The following MCTP1 variants were observed in gnomAD, a reference collection of about 807,000 sequenced individuals.
MCTP1 encodes the protein multiple C2 and transmembrane domain containing 1, also known as multiple C2 and transmembrane domain-containing protein 1.
A neutral mutation model predicts 120.6 loss-of-function variants in MCTP1; 69 were observed. The observed-to-expected ratio is 0.57, with a 90% CI of 0.47 to 0.70. MCTP1 has a LOEUF of 0.70. Ranked by LOEUF, MCTP1 falls within the 30% of genes least tolerant of loss-of-function variation. The pLI is 0.00. For missense variants in MCTP1, 1,203 were observed against 1,248.8 expected (o/e 0.96, Z 0.55); for synonymous variants, 529 against 493.1 (o/e 1.07, Z -0.96).
At chr5:95,078,172 T>C (rs1255210807) in intron 1 of MCTP1, among the ~76,000 whole-genome samples, 1 of 152,210 alleles carries the variant, frequency 6.6e-6, no homozygotes, top group African/African-American at 2.4e-5. Context: ...GACCTAGTTG[T>C]ATAACAGACC....
intron 2 of MCTP1, among the ~76,000 whole-genome samples, chr5:94,998,427 G>A (rs1415715147): frequency 6.6e-6 from 1 of 152,170 alleles, no homozygotes; most frequent in Admixed American, 6.6e-5. Context: ...AGTGCCATAA[G>A]GTTTTCTTCC....
At chr5:95,133,648 C>T (rs1053854707) in intron 1 of MCTP1, among the ~76,000 whole-genome samples, 1 of 152,152 alleles carries the variant, frequency 6.6e-6, no homozygotes, top group South Asian at 2.1e-4. Flanking sequence ...GAGCAAGATT[C>T]CATCTCAAAA....
chr5:95,051,897 G>A (rs1245005442), intron 1 of MCTP1, among the ~76,000 whole-genome samples: 1 of 152,040 alleles, frequency 6.6e-6, no homozygotes, highest in African/African-American at 2.4e-5. Context: ...GTGGAGGGTG[G>A]AGGAAGGAAA....
At chr5:94,919,821 T>G (rs1252653951) in intron 7 of MCTP1, among the ~76,000 whole-genome samples, 2 of 152,216 alleles carry the variant, frequency 1.3e-5, no homozygotes, top group African/African-American at 2.4e-5. Context: ...ACAAGTGCAT[T>G]TGTTCTGCCA....
chr5:94,706,694 C>T lies in MCTP1; in HGVS notation c.*802G>A, dbSNP rs1224342479. The T allele has an allele frequency of 6.6e-6, 1 of 151,304 alleles. No individual in the cohort carries two copies. The highest frequency in any genetic ancestry group is 1.5e-5 in the Non-Finnish European group (1 of 67,744). 9.4% of individuals were successfully genotyped at this position (151,304 alleles called of 1,614,324 possible). ...TTTCCTAGTATTTTTGATAACTGTA[C>T]TTACTGGGTTGCTAATTTGCTAACT... is the stretch of plus-strand genomic sequence containing the variant. On this transcript the variant is annotated 3_prime_UTR_variant, in exon 23 of 23. Transcript: ENST00000515393.
At chr5:94,719,893 G>T (rs1760462083) in intron 19 of MCTP1, among the ~76,000 whole-genome samples, 3 of 152,152 alleles carry the variant, frequency 2.0e-5, no homozygotes, top group Non-Finnish European at 4.4e-5. Flanking sequence ...ACTTTGGGAG[G>T]CCGAGACAGG....
chr5:94,967,252 G>T (rs769059177), intron 2 of MCTP1, among the ~76,000 whole-genome samples: 17 of 152,122 alleles, frequency 1.1e-4, no homozygotes, highest in Non-Finnish European at 7.3e-5. Context: ...CTGCTGGGTG[G>T]TCTGCTGGGT....
chr5:95,243,539 G>C (rs1210764712), intron 1 of MCTP1, among the ~76,000 whole-genome samples: 1 of 152,176 alleles, frequency 6.6e-6, no homozygotes, highest in Non-Finnish European at 1.5e-5. Context: ...GTCATTACAG[G>C]GATGTTAGAC....
chr5:95,213,155 C>A (rs1752605198), intron 1 of MCTP1, among the ~76,000 whole-genome samples: 1 of 152,182 alleles, frequency 6.6e-6, no homozygotes. Context: ...TGATAAGCAA[C>A]TTCAGCAAAG....
At chr5:95,205,546 C>T (rs12186368) in intron 1 of MCTP1, among the ~76,000 whole-genome samples, 1 of 151,958 alleles carries the variant, frequency 6.6e-6, no homozygotes, top group Non-Finnish European at 1.5e-5. Context: ...AGAAAGTGAA[C>T]AGGCACCCCA....
At chr5:94,876,466 G>T (rs1294906543) in intron 12 of MCTP1, among the ~76,000 whole-genome samples, 7 of 152,082 alleles carry the variant, frequency 4.6e-5, no homozygotes, top group Non-Finnish European at 1.0e-4. Flanking sequence ...ATACCGTGTG[G>T]CTAGAAGTGC....
At position 94,909,110 on chromosome 5, in the gene MCTP1, G is replaced by A. The variant is rs146137464; in HGVS notation, c.1652+141C>T. ...GGTCAGTTTTTGAATCTATTTTTCA[G>A]TTCATCCAAGCATTGCCTTACCATG... On this transcript the variant is annotated intron_variant, in intron 10 of 22. Coordinates refer to ENST00000515393, the MANE Select transcript of MCTP1 (RefSeq NM_024717.7). The A allele has an allele frequency of 7.1e-6, 7 of 983,778 alleles. No homozygotes were observed. In the East Asian group the frequency reaches 2.1e-4, roughly 30 times the overall value. 60.9% of individuals were successfully genotyped at this position (983,778 alleles called of 1,614,324 possible).
intron 2 of MCTP1, among the ~76,000 whole-genome samples, chr5:95,000,200 C>T (rs569895655): frequency 4.7e-4 from 72 of 152,220 alleles, no homozygotes; most frequent in African/African-American, 7.5e-4. Flanking sequence ...TGTAAAGCTA[C>T]GGTGCTGCCA....
chr5:94,873,320 T>G, intron 12 of MCTP1, 79 bp from the exon 13 acceptor site: 2 of 776,326 alleles, frequency 2.6e-6, no homozygotes, highest in Non-Finnish European at 4.2e-6. Context: ...ACCATATCTC[T>G]TTTGCAAAAA....
At chr5:95,178,653 A>G (rs748077237) in intron 1 of MCTP1, among the ~76,000 whole-genome samples, 1 of 152,184 alleles carries the variant, frequency 6.6e-6, no homozygotes, top group Non-Finnish European at 1.5e-5. Flanking sequence ...GGAGCACCCC[A>G]TGGAGCAAAA....
chr5:95,153,432 T>G (rs749214387), intron 1 of MCTP1, among the ~76,000 whole-genome samples: 2 of 152,174 alleles, frequency 1.3e-5, no homozygotes, highest in Admixed American at 1.3e-4. Context: ...TACATACAAG[T>G]TCAGTGAACC....
At chr5:94,958,517 C>T (rs1003944727) in intron 2 of MCTP1, among the ~76,000 whole-genome samples, 1 of 152,008 alleles carries the variant, frequency 6.6e-6, no homozygotes, top group Non-Finnish European at 1.5e-5. Context: ...AGATAGACTG[C>T]TAGCCAGGAT....
Position 95,000,768 on chromosome 5 carries a change from T to A in MCTP1, c.838+16599A>T, listed in dbSNP as rs983433336. On this transcript the variant is annotated intron_variant, in intron 2 of 22. Coordinates refer to ENST00000515393, the MANE Select transcript of MCTP1 (RefSeq NM_024717.7). The stretch of plus-strand genomic sequence containing the variant: ...ATTTATTATTAAAGACAGAAAAAAA[T>A]GTTTAAAATAAATTTAGTGTAGCCT... Among the ~76,000 whole-genome samples, 4 of 151,992 alleles carry A rather than the reference T, an allele frequency of 2.6e-5. No homozygotes were observed. The South Asian group carries it at 8.3e-4, about 32-fold the overall frequency.
At chr5:95,016,640 TG>T in intron 2 of MCTP1, among the ~76,000 whole-genome samples, 1 of 151,884 alleles carries the variant, frequency 6.6e-6, no homozygotes, top group East Asian at 1.9e-4. Flanking sequence ...CCTTTGGAAT[TG>T]GGGGCTCTCA....
Sources: allele counts gnomAD v4.1 joint callset (sites outside exome capture counted in the v4.1 genomes callset), GRCh38; gene constraint gnomAD v4.1.1; transcripts MANE v1.5; gene names NCBI Gene and HGNC (gene_info 2026-07-23, HGNC 2026-07-21).